RAP1A: variants seen among roughly 807,000 people sequenced by gnomAD.
The protein encoded by RAP1A is ras-related protein Rap-1A.
Under a neutral mutation model 26.4 loss-of-function variants are expected in RAP1A, and 6 were observed. That is an observed-to-expected ratio of 0.23 (90% CI 0.12 to 0.45). The LOEUF (loss-of-function observed/expected upper bound fraction) is 0.45, where lower values mean the gene tolerates loss of function less well. Among genes scored for constraint, RAP1A ranks in the 20% least tolerant of loss-of-function variants. The pLI, the probability that RAP1A is intolerant of heterozygous loss-of-function variation, is 0.99. For missense variants in RAP1A, 121 were observed against 217.2 expected, an observed-to-expected ratio of 0.56 and a Z score of 2.78; for synonymous variants, 73 against 79.4, an observed-to-expected ratio of 0.92 and a Z score of 0.43.
intron 1 of RAP1A, among the ~76,000 whole-genome samples, chr1:111,613,421 G>A (rs573105161): frequency 2.0e-5 from 3 of 152,148 alleles, no homozygotes; most frequent in Non-Finnish European, 4.4e-5. Flanking sequence ...GGATGGTCTC[G>A]ATCTCCTGAC....
intron 6 of RAP1A, among the ~76,000 whole-genome samples, chr1:111,706,359 G>C (rs1310310969): frequency 6.6e-6 from 1 of 151,938 alleles, no homozygotes; most frequent in Non-Finnish European, 1.5e-5. Context: ...AATGCCTGAA[G>C]TATAGAGAGA....
intron 1 of RAP1A, among the ~76,000 whole-genome samples, chr1:111,605,716 G>C (rs1658757132): frequency 6.6e-6 from 1 of 152,172 alleles, no homozygotes; most frequent in Non-Finnish European, 1.5e-5. Flanking sequence ...AAGAAAATTA[G>C]GCAATAGGAT....
At chr1:111,646,930 G>A (rs980476275) in intron 1 of RAP1A, among the ~76,000 whole-genome samples, 2 of 152,176 alleles carry the variant, frequency 1.3e-5, no homozygotes, top group African/African-American at 2.4e-5. Context: ...GATAACATTA[G>A]TCAAACTAGC....
chr1:111,667,988 CTG>C (rs1358458086), intron 1 of RAP1A, among the ~76,000 whole-genome samples: 3 of 152,192 alleles, frequency 2.0e-5, no homozygotes, highest in Non-Finnish European at 2.9e-5. Flanking sequence ...CACCGAGTGT[CTG>C]TGCACCCCTC....
intron 4 of RAP1A, among the ~76,000 whole-genome samples, chr1:111,698,914 C>T (rs1414727193): frequency 9.9e-5 from 15 of 151,496 alleles, no homozygotes; most frequent in Admixed American, 9.9e-4. Flanking sequence ...TTTCCAGAGA[C>T]CCTAATAGCT....
chr1:111,693,090 A>G (rs1409305376), intron 2 of RAP1A, among the ~76,000 whole-genome samples: 1 of 152,218 alleles, frequency 6.6e-6, no homozygotes, highest in African/African-American at 2.4e-5. Flanking sequence ...TTTAGAAAGT[A>G]GATAGGATTG....
intron 1 of RAP1A, among the ~76,000 whole-genome samples, chr1:111,603,871 C>T (rs1005801159): frequency 3.9e-5 from 6 of 152,230 alleles, no homozygotes; most frequent in African/African-American, 1.2e-4. Flanking sequence ...ACCCTGAAAG[C>T]TGTCTTTGCC....
At chr1:111,575,243 A>C (rs1658122175) in intron 1 of RAP1A, among the ~76,000 whole-genome samples, 1 of 151,760 alleles carries the variant, frequency 6.6e-6, no homozygotes, top group African/African-American at 2.4e-5. Context: ...CTGCCTCCAG[A>C]GTGCAAGGGT....
chr1:111,568,533 G>T (rs142537964), intron 1 of RAP1A, among the ~76,000 whole-genome samples: 1 of 152,104 alleles, frequency 6.6e-6, no homozygotes, highest in Non-Finnish European at 1.5e-5. Flanking sequence ...ACTGGGATTC[G>T]CATTTTTCAA....
At chr1:111,615,894 A>G, upstream of RAP1A, among the ~76,000 whole-genome samples, 1 of 152,146 alleles carries the variant, frequency 6.6e-6, no homozygotes, top group East Asian at 1.9e-4. Flanking sequence ...AGTGCTCAAT[A>G]GCCATATGTA....
chr1:111,646,430 A>AC (rs1553218810), intron 1 of RAP1A, among the ~76,000 whole-genome samples: 57 of 135,330 alleles, frequency 4.2e-4, no homozygotes, highest in African/African-American at 1.8e-3. Flanking sequence ...TAAAAAAAAA[A>AC]AAAACAAAAC....
chr1:111,565,056 C>T (rs541804270), intron 1 of RAP1A, among the ~76,000 whole-genome samples: 1 of 152,208 alleles, frequency 6.6e-6, no homozygotes, highest in East Asian at 1.9e-4. Context: ...AATAAGACAC[C>T]TAAATGCAGT....
chr1:111,619,040 C>T (rs1659080050), upstream of RAP1A, among the ~76,000 whole-genome samples: 1 of 152,160 alleles, frequency 6.6e-6, no homozygotes, highest in East Asian at 1.9e-4. Context: ...TTATAATGGC[C>T]CACAGGCTTC....
intron 1 of RAP1A, among the ~76,000 whole-genome samples, chr1:111,584,461 C>T (rs1658322534): frequency 6.6e-6 from 1 of 152,072 alleles, no homozygotes; most frequent in South Asian, 2.1e-4. Flanking sequence ...TGAGTCCTTA[C>T]AAGACAGAAG....
At chr1:111,648,631 C>G (rs1181153510) in intron 1 of RAP1A, 2 of 520,670 alleles carry the variant, frequency 3.8e-6, no homozygotes, top group African/African-American at 1.9e-5. Flanking sequence ...TACAAACTGG[C>G]CTTCACATTT....
rs1553226001 is a variant in RAP1A at position 111,686,713 on chromosome 1, A to AAG, written c.-27-4621_-27-4620insAG. The AAG allele has an allele frequency of 5.0e-3, 747 of 148,602 alleles. 8 individuals carry two copies. The highest frequency in any genetic ancestry group is 0.017 in the African/African-American group (692 of 39,950). 9.2% of individuals were successfully genotyped at this position (148,602 alleles called of 1,614,324 possible). On this transcript the variant is annotated intron_variant, in intron 1 of 7. Transcript: ENST00000369709. ...CTCAAAAAAAAAAAAAAAAAAAAAA[A>AAG]GTTAGTTTATAAAGAAGACCTGGAA...
chr1:111,613,421 G>C (rs573105161), intron 1 of RAP1A, among the ~76,000 whole-genome samples: 1 of 152,030 alleles, frequency 6.6e-6, no homozygotes, highest in Admixed American at 6.6e-5. Flanking sequence ...GGATGGTCTC[G>C]ATCTCCTGAC....
chr1:111,568,564 A>G (rs1032966693), intron 1 of RAP1A, among the ~76,000 whole-genome samples: 2 of 152,172 alleles, frequency 1.3e-5, no homozygotes, highest in African/African-American at 4.8e-5. Flanking sequence ...GGAGGAAATG[A>G]ACATCCCAAC....
At position 111,667,605 on chromosome 1, in the gene RAP1A, C is replaced by G. The variant is rs1571544762; in HGVS notation, c.-27-23729C>G. Among the ~76,000 whole-genome samples, 4 of 151,694 alleles carry G rather than the reference C, an allele frequency of 2.6e-5. 1 individual carries two copies. The South Asian group carries it at 8.4e-4, about 32-fold the overall frequency. ...GCTTAGGCAGGAGAATTGCTTGAAC[C>G]TGGGAGGCGGAGGTTGCAGTGAGCC... On this transcript the variant is annotated intron_variant, in intron 1 of 7. Coordinates refer to ENST00000369709, the MANE Select transcript of RAP1A (RefSeq NM_002884.4).
Sources: allele counts gnomAD v4.1 joint callset (sites outside exome capture counted in the v4.1 genomes callset), GRCh38; gene constraint gnomAD v4.1.1; transcripts MANE v1.5; gene names NCBI Gene and HGNC (gene_info 2026-07-23, HGNC 2026-07-21).